Variants in ESRRB observed in about 807,000 individuals in gnomAD.
ESRRB encodes the protein steroid hormone receptor ERR2.
In ESRRB, 16 loss-of-function variants were observed where a neutral mutation model predicts 46.0. That is an observed-to-expected ratio of 0.35 (90% confidence interval 0.24 to 0.53). The LOEUF (loss-of-function observed/expected upper bound fraction) is 0.53. Ranked by LOEUF, ESRRB falls within the 20% of genes least tolerant of loss-of-function variation. The pLI is 0.93. For missense variants in ESRRB, 488 were observed against 607.4 expected, an observed-to-expected ratio of 0.80 and a Z score of 2.07; for synonymous variants, 246 against 259.6, an observed-to-expected ratio of 0.95 and a Z score of 0.50.
intron 2 of ESRRB, among the ~76,000 whole-genome samples, chr14:76,452,180 G>A (rs999513057): frequency 5.9e-5 from 9 of 151,416 alleles, no homozygotes; most frequent in African/African-American, 1.9e-4. Context: ...GACCTCATGA[G>A]CCACCTGCCT....
intron 1 of ESRRB, among the ~76,000 whole-genome samples, chr14:76,420,558 A>AGTGTGT (rs61137774): frequency 0.031 from 4,471 of 142,384 alleles, 146 homozygotes; most frequent in African/African-American, 0.1. Flanking sequence ...ACAGGGTGTG[A>AGTGTGT]GTGTGTGTGT....
intron 1 of ESRRB, among the ~76,000 whole-genome samples, chr14:76,348,725 A>G (rs942332070): frequency 6.6e-6 from 1 of 152,184 alleles, no homozygotes; most frequent in Admixed American, 6.5e-5. Context: ...GGGCAAGTGC[A>G]TAGACTGTGT....
At chr14:76,330,804 TG>T (rs1359421217) in intron 1 of ESRRB, among the ~76,000 whole-genome samples, 2 of 152,014 alleles carry the variant, frequency 1.3e-5, no homozygotes, top group Non-Finnish European at 2.9e-5. Flanking sequence ...GAGGCAGGTC[TG>T]GGGGATGGGG....
intron 1 of ESRRB, among the ~76,000 whole-genome samples, chr14:76,332,382 T>C (rs139224237): frequency 0.025 from 3,504 of 141,678 alleles, 158 homozygotes; most frequent in African/African-American, 0.088. Context: ...CACTGCAGCC[T>C]CTATCTCCTG....
intron 1 of ESRRB, among the ~76,000 whole-genome samples, chr14:76,405,301 A>G (rs574582639): frequency 1.3e-5 from 2 of 152,044 alleles, no homozygotes; most frequent in African/African-American, 4.8e-5. Flanking sequence ...TTGTAGAGAC[A>G]GGTTCTTGCT....
intron 1 of ESRRB, among the ~76,000 whole-genome samples, chr14:76,364,103 C>T (rs1884495003): frequency 6.6e-6 from 1 of 152,136 alleles, no homozygotes; most frequent in Non-Finnish European, 1.5e-5. Flanking sequence ...GTCATTGAGT[C>T]TGAGATTGAT....
intron 1 of ESRRB, among the ~76,000 whole-genome samples, chr14:76,385,915 A>G (rs1885209079): frequency 6.6e-6 from 1 of 152,022 alleles, no homozygotes; most frequent in Non-Finnish European, 1.5e-5. Context: ...AATAGTATCT[A>G]CCTCCCAGGG....
At chr14:76,412,175 C>T (rs145195607) in intron 1 of ESRRB, among the ~76,000 whole-genome samples, 1,865 of 152,274 alleles carry the variant, frequency 0.012, 17 homozygotes, top group Non-Finnish European at 0.016. Context: ...CCTCGGACTC[C>T]GCCCTCACAG....
At chr14:76,375,883 G>A (rs1416077900), upstream of ESRRB, among the ~76,000 whole-genome samples, 3 of 140,970 alleles carry the variant, frequency 2.1e-5, no homozygotes, top group Admixed American at 2.1e-4. Flanking sequence ...CTGGCGGTTG[G>A]ACATTCCCCC....
chr14:76,390,487 T>G (rs1432584413), intron 1 of ESRRB, among the ~76,000 whole-genome samples: 2 of 152,054 alleles, frequency 1.3e-5, no homozygotes. Flanking sequence ...AGACTCAGTC[T>G]CAAAAAAACA....
At chr14:76,352,860 G>A (rs928115794) in intron 1 of ESRRB, among the ~76,000 whole-genome samples, 2 of 152,134 alleles carry the variant, frequency 1.3e-5, no homozygotes, top group Non-Finnish European at 2.9e-5. Context: ...CCGCCCCCAC[G>A]CGCACACAGG....
chr14:76,393,399 C>G (rs1477911409), intron 1 of ESRRB, among the ~76,000 whole-genome samples: 1 of 152,232 alleles, frequency 6.6e-6, no homozygotes, highest in Non-Finnish European at 1.5e-5. Flanking sequence ...GTGCCAGCTA[C>G]TTTTGCATGG....
chr14:76,330,924 C>G (rs1027606386), intron 1 of ESRRB, among the ~76,000 whole-genome samples: 3 of 152,090 alleles, frequency 2.0e-5, no homozygotes, highest in Non-Finnish European at 4.4e-5. Context: ...CTTGTACCCC[C>G]AAATCAATAG....
At chr14:76,316,783 G>A (rs970510283) in intron 1 of ESRRB, among the ~76,000 whole-genome samples, 1 of 152,020 alleles carries the variant, frequency 6.6e-6, no homozygotes, top group African/African-American at 2.4e-5. Context: ...TATCATATGT[G>A]CACAAATCTT....
intron 1 of ESRRB, among the ~76,000 whole-genome samples, chr14:76,330,114 C>T (rs1306943554): frequency 6.6e-6 from 1 of 152,120 alleles, no homozygotes; most frequent in Non-Finnish European, 1.5e-5. Context: ...GGAGCCCTCC[C>T]TCTCTCTGTG....
intron 2 of ESRRB, among the ~76,000 whole-genome samples, chr14:76,440,230 G>C (rs1229174144): frequency 6.6e-6 from 1 of 152,152 alleles, no homozygotes; most frequent in Non-Finnish European, 1.5e-5. Context: ...CACTTTGGGA[G>C]GCCAAGGCCA....
In ESRRB at chr14:76,458,469, CAA is replaced by C. The variant is rs1491254587; in HGVS notation, c.461-4074_461-4073del. ...ACACACACACACACACACACACACA[CAA>C]ACACACACACATGCATGCAGGCCAA... On this transcript the variant is annotated intron_variant, in intron 2 of 6. Coordinates refer to ENST00000644823, the MANE Select transcript of ESRRB (RefSeq NM_001379180.1). Among the ~76,000 whole-genome samples, 151 of 79,690 alleles carry C rather than the reference CAA, an allele frequency of 1.9e-3. 1 individual carries two copies. Among genetic ancestry groups the C allele is most frequent in the African/African-American group, 7.5e-3 (134 of 17,816 alleles). 52.3% of individuals were successfully genotyped at this position (79,690 alleles called of 152,430 possible).
At chr14:76,474,674 C>T (rs1243987454) in intron 3 of ESRRB, among the ~76,000 whole-genome samples, 1 of 152,026 alleles carries the variant, frequency 6.6e-6, no homozygotes, top group East Asian at 1.9e-4. Context: ...AACCCTATCT[C>T]TACAAAATAT....
At chr14:76,409,455 C>A (rs768150092) in intron 1 of ESRRB, among the ~76,000 whole-genome samples, 3 of 152,082 alleles carry the variant, frequency 2.0e-5, no homozygotes, top group Non-Finnish European at 4.4e-5. Flanking sequence ...GGGAAGGATG[C>A]CGTGGCGACG....
Sources: allele counts gnomAD v4.1 joint callset (sites outside exome capture counted in the v4.1 genomes callset), GRCh38; gene constraint gnomAD v4.1.1; transcripts MANE v1.5; gene names NCBI Gene and HGNC (gene_info 2026-07-23, HGNC 2026-07-21).